The following IGBP1C variants were observed in gnomAD, a reference collection of about 807,000 sequenced individuals.
IGBP1C encodes the protein immunoglobulin-binding protein 1 family member C.
the IGBP1C span, chr17:58,677,529 CACAG>C: frequency 2.6e-5 from 4 of 152,212 alleles, no homozygotes; most frequent in African/African-American, 7.2e-5. Context: ...CAAACACGGC[CACAG>C]ACAATCACAT....
the IGBP1C span, among the ~76,000 whole-genome samples, chr17:58,684,630 C>CAAATAAAT: frequency 7.5e-4 from 106 of 140,442 alleles, no homozygotes; most frequent in South Asian, 3.3e-3. Context: ...GACCCTGTCT[C>CAAATAAAT]AAATAAATAA....
chr17:58,679,014 C>A, the IGBP1C span, among the ~76,000 whole-genome samples: 1 of 151,710 alleles, frequency 6.6e-6, no homozygotes, highest in Non-Finnish European at 1.5e-5. Context: ...ATTAGCAAGG[C>A]GTGGTGGCGT....
the IGBP1C span, among the ~76,000 whole-genome samples, chr17:58,668,025 A>G: frequency 6.6e-6 from 1 of 152,120 alleles, no homozygotes; most frequent in Non-Finnish European, 1.5e-5. Context: ...CTGCTAAGTC[A>G]ATTTAGCTGA....
chr17:58,690,189 T>C, the IGBP1C span, among the ~76,000 whole-genome samples: 5 of 152,078 alleles, frequency 3.3e-5, no homozygotes, highest in South Asian at 1.0e-3. Flanking sequence ...GTTTTTGAGA[T>C]GGAGTCTCGC....
chr17:58,679,779 T>A, the IGBP1C span: 2 of 152,130 alleles, frequency 1.3e-5, no homozygotes, highest in Non-Finnish European at 2.9e-5. Context: ...TTAGACCCCC[T>A]AATTTCTGGA....
the IGBP1C span, among the ~76,000 whole-genome samples, chr17:58,691,229 T>A: frequency 6.6e-6 from 1 of 152,204 alleles, no homozygotes; most frequent in Non-Finnish European, 1.5e-5. Context: ...CCTTTTGGCA[T>A]GGCTATGGCC....
At chr17:58,677,904 C>T in the IGBP1C span, among the ~76,000 whole-genome samples, 1 of 152,250 alleles carries the variant, frequency 6.6e-6, no homozygotes, top group African/African-American at 2.4e-5. Flanking sequence ...GTAATCCCAA[C>T]ACTTTGGGAG....
At chr17:58,667,816 C>T in the IGBP1C span, among the ~76,000 whole-genome samples, 3 of 149,088 alleles carry the variant, frequency 2.0e-5, no homozygotes, top group Admixed American at 2.1e-4. Context: ...ACCCGGGAGG[C>T]GAAGGTTGCA....
the IGBP1C span, among the ~76,000 whole-genome samples, chr17:58,686,177 A>T: frequency 1.3e-5 from 2 of 152,016 alleles, no homozygotes; most frequent in Admixed American, 6.6e-5. Flanking sequence ...CTTTACAAAA[A>T]TTTTTAAAAA....
At chr17:58,668,857 G>A in the IGBP1C span, among the ~76,000 whole-genome samples, 1 of 152,120 alleles carries the variant, frequency 6.6e-6, no homozygotes, top group Non-Finnish European at 1.5e-5. Flanking sequence ...AGGACTGGGG[G>A]GTCAATATAT....
chr17:58,680,247 G>A, the IGBP1C span, among the ~76,000 whole-genome samples: 1 of 152,024 alleles, frequency 6.6e-6, no homozygotes, highest in South Asian at 2.1e-4. Flanking sequence ...TGCTATACAC[G>A]TAACCTGAGT....
chr17:58,661,649 G>A, the IGBP1C span: 1 of 649,422 alleles, frequency 1.5e-6, no homozygotes, highest in Non-Finnish European at 2.8e-6. Context: ...CTGGACACAC[G>A]TAAAGATTCT....
the IGBP1C span, among the ~76,000 whole-genome samples, chr17:58,669,401 A>G: frequency 6.6e-6 from 1 of 151,560 alleles, no homozygotes; most frequent in African/African-American, 2.4e-5. Context: ...GGAGTTTGTC[A>G]TATTTGCTGA....
the IGBP1C span, chr17:58,661,930 C>A: frequency 4.8e-6 from 1 of 207,884 alleles, no homozygotes; most frequent in Non-Finnish European, 9.4e-6. Context: ...ACCCCCAACC[C>A]AGGCTATTCT....
chr17:58,687,540 T>G, the IGBP1C span, among the ~76,000 whole-genome samples: 1 of 152,020 alleles, frequency 6.6e-6, no homozygotes, highest in East Asian at 1.9e-4. Flanking sequence ...TTCACCATGT[T>G]GGCCAGGCTG....
chr17:58,678,853 T>TAAA, the IGBP1C span, among the ~76,000 whole-genome samples: 5 of 146,794 alleles, frequency 3.4e-5, no homozygotes, highest in African/African-American at 1.3e-4. Context: ...ATAATAATAA[T>TAAA]AAAAGAGAAG....
At chr17:58,673,066 A>T in the IGBP1C span, among the ~76,000 whole-genome samples, 1 of 151,890 alleles carries the variant, frequency 6.6e-6, no homozygotes. Context: ...TTTAAAAAAA[A>T]TTTCTTACAA....
chr17:58,674,435 C>G, the IGBP1C span, among the ~76,000 whole-genome samples: 3 of 152,038 alleles, frequency 2.0e-5, no homozygotes, highest in Non-Finnish European at 4.4e-5. Flanking sequence ...TACAGGAGGC[C>G]AAGGTGGACA....
At chr17:58,679,348 GTAGT>G in the IGBP1C span, among the ~76,000 whole-genome samples, 4 of 152,140 alleles carry the variant, frequency 2.6e-5, no homozygotes, top group Non-Finnish European at 5.9e-5. Context: ...GCAAATCACT[GTAGT>G]ACTCAATGAC....
Sources: allele counts gnomAD v4.1 joint callset (sites outside exome capture counted in the v4.1 genomes callset), GRCh38; gene constraint gnomAD v4.1.1; transcripts MANE v1.5; gene names NCBI Gene and HGNC (gene_info 2026-07-23, HGNC 2026-07-21).